The following CDV3 variants were observed in gnomAD, a reference collection of about 807,000 sequenced individuals.
The protein encoded by CDV3 is CDV3 homolog.
A neutral mutation model predicts 24.5 loss-of-function variants in CDV3; 14 were observed. The ratio of observed to expected loss-of-function variants is 0.57; its 90% confidence interval spans 0.38 to 0.89. The LOEUF (loss-of-function observed/expected upper bound fraction) is 0.89. CDV3 is among the 40% of genes least tolerant of loss of function. The pLI is 0.00. For missense variants in CDV3, 304 were observed against 310.2 expected (o/e 0.98, Z 0.15); for synonymous variants, 114 against 114.1 (o/e 1.00, Z 0.00).
chr3:133,588,133 C>G lies in CDV3; in HGVS notation c.*87C>G. On this transcript the variant is annotated 3_prime_UTR_variant, in exon 5 of 5. Coordinates refer to ENST00000264993, the MANE Select transcript of CDV3 (RefSeq NM_017548.5). ...ATTCATCATCTGATCTCTGCTGGATCTACAGACACCGATGCAGACCACTCG... is the reference window on the plus strand; with the variant it reads ...ATTCATCATCTGATCTCTGCTGGATGTACAGACACCGATGCAGACCACTCG... 6.4e-7 allele frequency: 1 copy of G among 1,568,964 alleles called. No individual in the cohort carries two copies. Among genetic ancestry groups the G allele is most frequent in the South Asian group, 1.2e-5 (1 of 82,714 alleles).
In CDV3 at chr3:133,573,953, T is replaced by G; in HGVS notation, c.-92T>G. The G allele has an allele frequency of 2.1e-6, 2 of 969,288 alleles. No individual in the cohort carries two copies. Among genetic ancestry groups the G allele is most frequent in the Non-Finnish European group, 2.5e-6 (2 of 814,018 alleles). The allele number at this position is 969,288 out of a possible 1,614,324, so 60.0% of individuals were successfully genotyped here. A position where few individuals can be genotyped will look rare whatever the true frequency, so the allele number is the denominator to read the frequency against. On this transcript the variant is annotated 5_prime_UTR_variant, in exon 1 of 5. Coordinates refer to ENST00000264993, the MANE Select transcript of CDV3 (RefSeq NM_017548.5). The stretch of plus-strand genomic sequence containing the variant: ...TGAGGCGTCGCCGCGCCCGGCAGCG[T>G]GAGCGCAGAGCCGGCCTCGACCCCG...
chr3:133,575,174 T>G (rs757709437), intron 2 of CDV3, 59 bp downstream of exon 2: 5 of 937,584 alleles, frequency 5.3e-6, no homozygotes, highest in Non-Finnish European at 8.7e-6. Flanking sequence ...GGATACAAGT[T>G]AGGTTTTCCT....
At chr3:133,584,539 G>GTAAC (rs1431201507) in intron 3 of CDV3, among the ~76,000 whole-genome samples, 1 of 152,122 alleles carries the variant, frequency 6.6e-6, no homozygotes, top group Non-Finnish European at 1.5e-5. Context: ...ATTTTTAGTG[G>GTAAC]TAACTACCCT....
At chr3:133,576,696 TTATTTTGATCTTGATC>T (rs1387604870) in intron 2 of CDV3, among the ~76,000 whole-genome samples, 3 of 152,142 alleles carry the variant, frequency 2.0e-5, no homozygotes, top group Non-Finnish European at 4.4e-5. Flanking sequence ...ATCTTCAGGG[TTATTTTGATCTTGATC>T]TATTTTGGTT....
At chr3:133,581,894 C>G (rs1374601410) in intron 2 of CDV3, among the ~76,000 whole-genome samples, 1 of 152,196 alleles carries the variant, frequency 6.6e-6, no homozygotes, top group East Asian at 1.9e-4. Flanking sequence ...AATTCTCTTA[C>G]ATGTTAACGA....
chr3:133,584,062 AGGTGGAGGTGGT>A lies in CDV3; in HGVS notation c.388_399del (p.Gly130_Gly133del). ...AAGATCCAGGTGATAACTGGGAAGAAGGTGGAGGTGGTGGTGGAGGTATGGAAAAATCTTCAG... is the reference window on the plus strand; with the variant it reads ...AAGATCCAGGTGATAACTGGGAAGAAGGTGGAGGTATGGAAAAATCTTCAG... On this transcript the variant is annotated inframe_deletion, in exon 3 of 5. Coordinates refer to ENST00000264993, the MANE Select transcript of CDV3 (RefSeq NM_017548.5). 1 of 1,610,950 alleles carries A rather than the reference AGGTGGAGGTGGT, an allele frequency of 6.2e-7. No individual in the cohort carries two copies. The highest frequency in any genetic ancestry group is 8.5e-7 in the Non-Finnish European group (1 of 1,177,184).
At position 133,583,096 on chromosome 3, in the gene CDV3, T is replaced by C. The variant is rs1025988599; in HGVS notation, c.318-906T>C. Among the ~76,000 whole-genome samples, 3 of 152,206 alleles carry C rather than the reference T, an allele frequency of 2.0e-5. No homozygotes were observed. The South Asian group carries it at 6.2e-4, about 31-fold the overall frequency. On this transcript the variant is annotated intron_variant, in intron 2 of 4. Coordinates refer to ENST00000264993, the MANE Select transcript of CDV3 (RefSeq NM_017548.5). ...AATACTGCAAGCAGTCTTAAGATGG[T>C]ATGTTACCACTGAGGGTATCTTTTC... is the stretch of plus-strand genomic sequence containing the variant.
Position 133,574,067 on chromosome 3 carries a change from G to C in CDV3, c.23G>C (p.Ser8Thr). 1.6e-6 allele frequency: 2 copies of C among 1,234,088 alleles called. No homozygotes were observed. Among genetic ancestry groups the C allele is most frequent in the Non-Finnish European group, 2.1e-6 (2 of 962,936 alleles). 76.4% of individuals were successfully genotyped at this position (1,234,088 alleles called of 1,614,324 possible). A position where few individuals can be genotyped will look rare whatever the true frequency, so the allele number is the denominator to read the frequency against. Residue 8 changes from serine to threonine, a missense_variant, in exon 1 of 5, where the codon AGC becomes ACC. By Grantham distance (58) the Ser-to-Thr change is moderately conservative. This residue lies in a region of CDV3 where 219 missense variants were observed against 203.6 expected (regional missense o/e 1.08). Transcript: ENST00000264993. The part of the protein sequence containing the change: MAETEER[S>T]LDNFFAKRDK... ...GCCATGGCTGAGACGGAGGAGCGGA[G>C]CCTGGACAACTTCTTTGCCAAGAGG...
rs1371843149 is a variant in CDV3 at position 133,574,182 on chromosome 3, TGCGGCGGGC to T, written c.140_148del (p.Ala47_Gly49del). 2 of 1,035,296 alleles carry T rather than the reference TGCGGCGGGC, an allele frequency of 1.9e-6. No homozygotes were observed. The highest frequency in any genetic ancestry group is 3.5e-5 in the African/African-American group (2 of 57,234). 64.1% of individuals were successfully genotyped at this position (1,035,296 alleles called of 1,614,324 possible). A position where few individuals can be genotyped will look rare whatever the true frequency, so the allele number is the denominator to read the frequency against. On this transcript the variant is annotated inframe_deletion, in exon 1 of 5. Transcript: ENST00000264993. ...CCGGCGGAAGCAGTGGAGCCGCGGG[TGCGGCGGGC>T]GGCGGGGCGGGCGCGGGGACCCGGC...
chr3:133,577,162 T>C (rs2107699977), intron 2 of CDV3, among the ~76,000 whole-genome samples: 1 of 151,976 alleles, frequency 6.6e-6, no homozygotes, highest in African/African-American at 2.4e-5. Flanking sequence ...AGCTTTTATA[T>C]TGTTTTTTTT....
At position 133,573,759 on chromosome 3, in the gene CDV3, T is replaced by C. The variant is rs922638689; in HGVS notation, c.-286T>C. The C allele has an allele frequency of 6.6e-6, 1 of 151,750 alleles. No individual in the cohort carries two copies. Among genetic ancestry groups the C allele is most frequent in the African/African-American group, 2.4e-5 (1 of 41,278 alleles). The allele number at this position is 151,750 out of a possible 1,614,324, so 9.4% of individuals were successfully genotyped here. On this transcript the variant is annotated 5_prime_UTR_variant, in exon 1 of 5. Coordinates refer to ENST00000264993, the MANE Select transcript of CDV3 (RefSeq NM_017548.5). ...CTCGCGCGTGCCTTTTCCCCTCAGGTTGTGGGGAGAGCGGAATCCTGCTCC... is the reference window on the plus strand; with the variant it reads ...CTCGCGCGTGCCTTTTCCCCTCAGGCTGTGGGGAGAGCGGAATCCTGCTCC...
Position 133,588,669 on chromosome 3 carries a change from C to T in CDV3, c.*623C>T, listed in dbSNP as rs1933847478. ...CACTGCTGAAAAGAACTGATGTGTT[C>T]AGATCATCTGTGTAGGGCTGTGATT... is the stretch of plus-strand genomic sequence containing the variant. On this transcript the variant is annotated 3_prime_UTR_variant, in exon 5 of 5. Coordinates refer to ENST00000264993, the MANE Select transcript of CDV3 (RefSeq NM_017548.5). 1 of 445,332 alleles carries T rather than the reference C, an allele frequency of 2.2e-6. No individual in the cohort carries two copies. Among genetic ancestry groups the T allele is most frequent in the Admixed American group, 3.7e-5 (1 of 26,672 alleles). 27.6% of individuals were successfully genotyped at this position (445,332 alleles called of 1,614,324 possible).
At chr3:133,578,479 C>G (rs1010340702) in intron 2 of CDV3, among the ~76,000 whole-genome samples, 1 of 152,184 alleles carries the variant, frequency 6.6e-6, no homozygotes, top group Non-Finnish European at 1.5e-5. Context: ...CTAGCAAATA[C>G]TTATGTGACT....
At chr3:133,586,509 A>C (rs1192885266) in intron 3 of CDV3, 54 bp from the exon 4 acceptor site, 1 of 917,776 alleles carries the variant, frequency 1.1e-6, no homozygotes, top group East Asian at 2.5e-5. Flanking sequence ...AGAATAGCTT[A>C]TTAAAATGCT....
chr3:133,580,596 G>T (rs111916702), intron 2 of CDV3, among the ~76,000 whole-genome samples: 1 of 152,092 alleles, frequency 6.6e-6, no homozygotes, highest in African/African-American at 2.4e-5. Flanking sequence ...CAGTTACTTG[G>T]TGGGCTGAGA....
chr3:133,587,622 CTT>C, intron 4 of CDV3: 4 of 1,159,522 alleles, frequency 3.4e-6, no homozygotes, highest in Non-Finnish European at 4.3e-6. Flanking sequence ...CATTACACAG[CTT>C]TTAACAGTTT....
chr3:133,584,214 C>G, intron 3 of CDV3, 64 bp downstream of exon 3: 1 of 1,232,366 alleles, frequency 8.1e-7, no homozygotes. Context: ...ATATGGTCCA[C>G]TTTCAACTAA....
chr3:133,574,639 G>C, intron 1 of CDV3: 1 of 1,029,044 alleles, frequency 9.7e-7, no homozygotes, highest in Middle Eastern at 4.9e-4. Flanking sequence ...CAGCCCAGTA[G>C]TTTGAGCTGA....
chr3:133,586,025 C>T (rs769797106), intron 3 of CDV3, among the ~76,000 whole-genome samples: 1 of 152,212 alleles, frequency 6.6e-6, no homozygotes, highest in Non-Finnish European at 1.5e-5. Context: ...TCATCATTTA[C>T]GTAGATTACT....
Sources: allele counts gnomAD v4.1 joint callset (sites outside exome capture counted in the v4.1 genomes callset), GRCh38; gene constraint gnomAD v4.1.1; regional missense constraint gnomAD v4.1.1; transcripts MANE v1.5; gene names NCBI Gene and HGNC (gene_info 2026-07-23, HGNC 2026-07-21).